Variants in FBXW8 observed in about 807,000 individuals in gnomAD.
FBXW8 encodes the protein F-box/WD repeat-containing protein 8.
FBXW8 carries 57 observed loss-of-function variants against 65.3 expected under a neutral mutation model. That is an observed-to-expected ratio of 0.87 (90% CI 0.71 to 1.09). FBXW8 has a LOEUF of 1.09. Among genes scored for constraint, FBXW8 ranks in the 50% least tolerant of loss-of-function variants. FBXW8 has a pLI of 0.00. For synonymous variants in FBXW8, 308 were observed against 330.2 expected, an observed-to-expected ratio of 0.93 and a Z score of 0.73; for missense variants, 777 against 814.8, an observed-to-expected ratio of 0.95 and a Z score of 0.57.
intron 7 of FBXW8, among the ~76,000 whole-genome samples, chr12:116,994,332 A>G (rs941478728): frequency 2.6e-5 from 4 of 152,230 alleles, no homozygotes; most frequent in African/African-American, 9.6e-5. Flanking sequence ...ACTGGTGTAA[A>G]AGTAAATACA....
intron 7 of FBXW8, among the ~76,000 whole-genome samples, chr12:116,996,829 A>G (rs1451246154): frequency 2.6e-5 from 4 of 152,142 alleles, no homozygotes; most frequent in Non-Finnish European, 5.9e-5. Flanking sequence ...CGTGTGCAAT[A>G]TCTGATTGGC....
intron 1 of FBXW8, among the ~76,000 whole-genome samples, chr12:116,920,269 C>A (rs1176177129): frequency 6.6e-6 from 1 of 152,222 alleles, no homozygotes; most frequent in Non-Finnish European, 1.5e-5. Flanking sequence ...TATACTAGAA[C>A]AACTTGTGAC....
intron 8 of FBXW8, among the ~76,000 whole-genome samples, chr12:117,010,852 G>A (rs1953789070): frequency 6.6e-6 from 1 of 152,236 alleles, no homozygotes; most frequent in African/African-American, 2.4e-5. Context: ...GCCAAACGAT[G>A]TCAAGAGTGT....
chr12:116,925,651 T>TA (rs1881269380), intron 1 of FBXW8, among the ~76,000 whole-genome samples: 1 of 152,078 alleles, frequency 6.6e-6, no homozygotes, highest in Non-Finnish European at 1.5e-5. Context: ...TGACTTTTTT[T>TA]TAAAAAAAGT....
At chr12:117,012,648 C>G (rs1355131925) in intron 8 of FBXW8, among the ~76,000 whole-genome samples, 2 of 152,150 alleles carry the variant, frequency 1.3e-5, no homozygotes, top group Non-Finnish European at 1.5e-5. Context: ...CTGGCCCAGG[C>G]TTGTATAGCT....
chr12:117,014,334 T>C (rs568542338), intron 8 of FBXW8, among the ~76,000 whole-genome samples: 1 of 152,360 alleles, frequency 6.6e-6, no homozygotes, highest in South Asian at 2.1e-4. Context: ...CTGTCAGTAT[T>C]CCCATGCATT....
intron 4 of FBXW8, among the ~76,000 whole-genome samples, chr12:116,955,172 A>G (rs564741500): frequency 1.3e-5 from 2 of 152,150 alleles, no homozygotes; most frequent in South Asian, 4.1e-4. Flanking sequence ...CTGGACTTCC[A>G]TTACCTCCGT....
At chr12:116,939,879 C>A (rs964128172) in intron 2 of FBXW8, among the ~76,000 whole-genome samples, 1 of 152,328 alleles carries the variant, frequency 6.6e-6, no homozygotes, top group Non-Finnish European at 1.5e-5. Context: ...TTCATGATTG[C>A]CCAGTGCTCA....
Position 116,961,143 on chromosome 12 carries a change from G to A in FBXW8, c.678-3554G>A, listed in dbSNP as rs546854746. ...CCCAAGTAGGTGGGATTACAGGCAC[G>A]CACCACCACACCTGGCTAATTTTTG... On this transcript the variant is annotated intron_variant, in intron 4 of 10. Coordinates refer to ENST00000652555, the MANE Select transcript of FBXW8 (RefSeq NM_153348.3). The surrounding 1 kb of genome is among the most constrained non-coding windows in gnomAD (Gnocchi z 4.4). 3.5e-4 allele frequency among the ~76,000 whole-genome samples: 53 copies of A among 152,222 alleles called. No homozygotes were observed. In the East Asian group the frequency reaches 5.4e-3, roughly 16 times the overall value.
chr12:117,027,617 CCCTG>C (rs1189307425), intron 10 of FBXW8, 113 bp downstream of exon 10: 1 of 829,442 alleles, frequency 1.2e-6, no homozygotes, highest in African/African-American at 1.7e-5. Flanking sequence ...TCAGGCAGGG[CCCTG>C]CCTTTCTGCG....
Position 116,952,192 on chromosome 12 carries a change from A to G in FBXW8, c.677+2486A>G, listed in dbSNP as rs1298128689. On this transcript the variant is annotated intron_variant, in intron 4 of 10. Transcript: ENST00000652555. ...AGCGTTTTAGTCAATGATGGGCCCC[A>G]TATATGACATTGGCCATTCATGTAC... Among the ~76,000 whole-genome samples, 3 of 152,276 alleles carry G rather than the reference A, an allele frequency of 2.0e-5. No homozygotes were observed. In the East Asian group the frequency reaches 5.8e-4, roughly 29 times the overall value.
chr12:116,927,811 G>A (rs563863436), intron 1 of FBXW8, among the ~76,000 whole-genome samples: 13 of 152,272 alleles, frequency 8.5e-5, no homozygotes, highest in African/African-American at 1.9e-4. Context: ...GAGTGAAGGC[G>A]TGTGGGGGTC....
At chr12:117,006,378 G>C (rs562811982) in intron 7 of FBXW8, among the ~76,000 whole-genome samples, 1 of 152,336 alleles carries the variant, frequency 6.6e-6, no homozygotes, top group East Asian at 1.9e-4. Context: ...CTGGGTGAAG[G>C]AAGAAGTTGG....
At chr12:116,940,625 A>C (rs951835246) in intron 2 of FBXW8, among the ~76,000 whole-genome samples, 3 of 151,838 alleles carry the variant, frequency 2.0e-5, no homozygotes, top group African/African-American at 7.3e-5. Context: ...TAAGCTGATT[A>C]GCAATCTTTT....
chr12:117,027,510 T>C lies in FBXW8; in HGVS notation c.1652+6T>C, dbSNP rs1454494235. On this transcript the variant is annotated splice_donor_region_variant and intron_variant, in intron 10 of 10. Transcript: ENST00000652555. ...AGCTTCACTACTCACAGGAGGTTAG[T>C]GGTGGGGCCGGGCGAGTAAGAGACC... is the stretch of plus-strand genomic sequence containing the variant. The C allele has an allele frequency of 1.9e-6, 3 of 1,611,684 alleles. No individual in the cohort carries two copies. Among genetic ancestry groups the C allele is most frequent in the African/African-American group, 1.3e-5 (1 of 74,854 alleles).
chr12:117,002,097 A>G (rs2135698648), intron 7 of FBXW8, among the ~76,000 whole-genome samples: 1 of 151,968 alleles, frequency 6.6e-6, no homozygotes, highest in African/African-American at 2.4e-5. Context: ...GTTTGGCCTC[A>G]CTCCGGTCCT....
intron 4 of FBXW8, among the ~76,000 whole-genome samples, chr12:116,962,062 T>C (rs571287942): frequency 6.6e-6 from 1 of 152,242 alleles, no homozygotes; most frequent in South Asian, 2.1e-4. Flanking sequence ...CCCCTCTCCT[T>C]CTGTACCAGT....
intron 1 of FBXW8, among the ~76,000 whole-genome samples, chr12:116,913,404 T>G (rs1880153878): frequency 6.6e-6 from 1 of 152,212 alleles, no homozygotes; most frequent in Admixed American, 6.5e-5. Flanking sequence ...AAAACTTAAC[T>G]ACGAATAGCC....
rs138177380 is a variant in FBXW8 at position 117,023,036 on chromosome 12, C to G, written c.1368-1111C>G. ...TTTCAGAGAGTATCCACAGGTAGTT[C>G]ACTTTGAGTCCTTTTCTGTTAAAGA... is the stretch of plus-strand genomic sequence containing the variant. On this transcript the variant is annotated intron_variant, in intron 8 of 10. Coordinates refer to ENST00000652555, the MANE Select transcript of FBXW8 (RefSeq NM_153348.3). Among the ~76,000 whole-genome samples the G allele has an allele frequency of 3.6e-4, 55 of 152,298 alleles. No homozygotes were observed. The East Asian group carries it at 0.01, about 28-fold the overall frequency.
Sources: allele counts gnomAD v4.1 joint callset (sites outside exome capture counted in the v4.1 genomes callset), GRCh38; gene constraint gnomAD v4.1.1; non-coding constraint Gnocchi (gnomAD v3.1); transcripts MANE v1.5; gene names NCBI Gene and HGNC (gene_info 2026-07-23, HGNC 2026-07-21).